RPS6KA2: variants seen among roughly 807,000 people sequenced by gnomAD.
RPS6KA2 encodes ribosomal protein S6 kinase alpha-2.
A neutral mutation model predicts 91.8 loss-of-function variants in RPS6KA2; 42 were observed. The observed-to-expected ratio is 0.46, with a 90% CI of 0.36 to 0.59. The LOEUF (loss-of-function observed/expected upper bound fraction) is 0.59, where lower values mean the gene tolerates loss of function less well. Ranked by LOEUF, RPS6KA2 falls within the 20% of genes least tolerant of loss-of-function variation. The pLI, the probability that RPS6KA2 is intolerant of heterozygous loss-of-function variation, is 0.00. For synonymous variants in RPS6KA2, 414 were observed against 393.6 expected (o/e 1.05, Z -0.61); for missense variants, 798 against 978.5 (o/e 0.82, Z 2.46).
intron 2 of RPS6KA2, among the ~76,000 whole-genome samples, chr6:166,791,006 C>G (rs1251272388): frequency 6.6e-6 from 1 of 152,140 alleles, no homozygotes; most frequent in African/African-American, 2.4e-5. Context: ...CAAATTCACA[C>G]ATAACAATAT....
At position 166,762,391 on chromosome 6, in the gene RPS6KA2, T is replaced by C. The variant is rs1187214543; in HGVS notation, c.123+95809A>G. Among the ~76,000 whole-genome samples the C allele has an allele frequency of 2.0e-5, 3 of 152,148 alleles. No homozygotes were observed. The East Asian group carries it at 5.8e-4, about 29-fold the overall frequency. On this transcript the variant is annotated intron_variant, in intron 2 of 21. Transcript: ENST00000503859. ...GTGTGTGTTTGTATGTCTATGCGCA[T>C]ATGTGTGTGTGTGTGCATGTTAAAC...
At chr6:166,623,426 C>T (rs972451371) in intron 1 of RPS6KA2, among the ~76,000 whole-genome samples, 11 of 152,158 alleles carry the variant, frequency 7.2e-5, no homozygotes, top group Non-Finnish European at 1.5e-4. Flanking sequence ...TAAGTTAGGA[C>T]GGTGAGGGTG....
intron 1 of RPS6KA2, among the ~76,000 whole-genome samples, chr6:166,550,976 C>T (rs1262219712): frequency 1.9e-5 from 2 of 105,512 alleles, no homozygotes; most frequent in Non-Finnish European, 3.8e-5. Flanking sequence ...AGCCTGGCAA[C>T]AGAGCCGGAC....
rs1725546622 is a variant in RPS6KA2 at position 166,732,132 on chromosome 6, C to T, written c.123+126068G>A. 6.7e-6 allele frequency among the ~76,000 whole-genome samples: 1 copy of T among 148,736 alleles called. No individual in the cohort carries two copies. Among genetic ancestry groups the T allele is most frequent in the Admixed American group, 6.8e-5 (1 of 14,634 alleles). On this transcript the variant is annotated intron_variant, in intron 2 of 21. Coordinates refer to the RPS6KA2 transcript ENST00000503859. This position sits in a 1 kb window ranked among gnomAD's most constrained non-coding sequence, Gnocchi z 4.0. ...CTTTTTCTTTTCCTTTTTGTTTTACCAATAAATAAATAAATAACCAAGAAA... is the reference window on the plus strand; with the variant it reads ...CTTTTTCTTTTCCTTTTTGTTTTACTAATAAATAAATAAATAACCAAGAAA...
chr6:166,844,230 A>C (rs1274178456), intron 2 of RPS6KA2, among the ~76,000 whole-genome samples: 5 of 152,202 alleles, frequency 3.3e-5, no homozygotes, highest in African/African-American at 1.2e-4. Flanking sequence ...CAAAGAAAAA[A>C]GAATTTTAAA....
In RPS6KA2 at chr6:166,413,118, A is replaced by C. The variant is rs567491905; in HGVS notation, c.2077-231T>G. Among the ~76,000 whole-genome samples the C allele has an allele frequency of 6.6e-5, 10 of 151,772 alleles. No homozygotes were observed. In the East Asian group the frequency reaches 1.8e-3, roughly 27 times the overall value. Reference sequence around the variant, plus strand: ...GCACCTGCCCCCCCCACCCCATGCCACCCTGGCACTGTGCTTGTGCCTTGG... The same window carrying C: ...GCACCTGCCCCCCCCACCCCATGCCCCCCTGGCACTGTGCTTGTGCCTTGG... On this transcript the variant is annotated intron_variant, in intron 20 of 20. Transcript: ENST00000265678.
chr6:166,470,261 CA>C (rs921797399), intron 10 of RPS6KA2, among the ~76,000 whole-genome samples: 99 of 152,318 alleles, frequency 6.5e-4, no homozygotes, highest in African/African-American at 2.4e-3. Context: ...GTGTGAGCAC[CA>C]GGTGGACCTC....
At chr6:166,744,244 G>A (rs1005129726) in intron 2 of RPS6KA2, among the ~76,000 whole-genome samples, 1 of 152,262 alleles carries the variant, frequency 6.6e-6, no homozygotes, top group African/African-American at 2.4e-5. Context: ...CCCTGTGGAT[G>A]CAGTGGCCTC....
At chr6:166,714,757 C>G (rs1041647023) in intron 2 of RPS6KA2, among the ~76,000 whole-genome samples, 7 of 152,262 alleles carry the variant, frequency 4.6e-5, no homozygotes, top group African/African-American at 1.4e-4. Flanking sequence ...CCAACTCGGA[C>G]TTCCAGCCTC....
chr6:166,580,269 A>G (rs1236919155), intron 1 of RPS6KA2, among the ~76,000 whole-genome samples: 1 of 152,246 alleles, frequency 6.6e-6, no homozygotes, highest in Non-Finnish European at 1.5e-5. Flanking sequence ...CGGCAAAGGT[A>G]GAACAGGTGT....
chr6:166,582,596 C>G (rs1248231373), intron 1 of RPS6KA2, among the ~76,000 whole-genome samples: 1 of 152,124 alleles, frequency 6.6e-6, no homozygotes, highest in African/African-American at 2.4e-5. Flanking sequence ...TTATCAAATT[C>G]ATAACATAGA....
chr6:166,463,995 AG>A (rs1265014067), intron 11 of RPS6KA2, among the ~76,000 whole-genome samples: 1 of 152,176 alleles, frequency 6.6e-6, no homozygotes, highest in Non-Finnish European at 1.5e-5. Flanking sequence ...GGTTCCCTGA[AG>A]GGGGAGTGCT....
intron 2 of RPS6KA2, among the ~76,000 whole-genome samples, chr6:166,695,333 C>A (rs1021294941): frequency 6.6e-6 from 1 of 152,172 alleles, no homozygotes; most frequent in Non-Finnish European, 1.5e-5. Context: ...GAACAACCCC[C>A]AGGAGCAAAC....
chr6:166,728,095 A>G (rs1790395878), intron 2 of RPS6KA2, among the ~76,000 whole-genome samples: 1 of 152,258 alleles, frequency 6.6e-6, no homozygotes, highest in Admixed American at 6.5e-5. Context: ...TACAGAATAC[A>G]GAAGGATGTG....
At chr6:166,751,074 C>T (rs1415692434) in intron 2 of RPS6KA2, among the ~76,000 whole-genome samples, 3 of 152,208 alleles carry the variant, frequency 2.0e-5, no homozygotes, top group African/African-American at 4.8e-5. Context: ...ATAACCCTCA[C>T]GCAGTGCCCC....
intron 7 of RPS6KA2, among the ~76,000 whole-genome samples, chr6:166,499,641 C>A (rs1199458298): frequency 6.6e-6 from 1 of 152,238 alleles, no homozygotes; most frequent in Non-Finnish European, 1.5e-5. Flanking sequence ...TTTTTCTCCT[C>A]CTTCTCCTTC....
intron 2 of RPS6KA2, among the ~76,000 whole-genome samples, chr6:166,634,035 A>G (rs1430508320): frequency 1.1e-4 from 16 of 152,198 alleles, no homozygotes; most frequent in Non-Finnish European, 2.9e-5. Context: ...CTGTGTGGGC[A>G]GAGTGTGGGC....
chr6:166,691,517 C>T (rs564396818), intron 2 of RPS6KA2, among the ~76,000 whole-genome samples: 57 of 152,248 alleles, frequency 3.7e-4, no homozygotes, highest in African/African-American at 8.7e-4. Context: ...TCTCACCTCC[C>T]GGTTTTCAGG....
chr6:166,428,671 A>G (rs1779012212), intron 16 of RPS6KA2, among the ~76,000 whole-genome samples: 1 of 151,360 alleles, frequency 6.6e-6, no homozygotes, highest in South Asian at 2.1e-4. Flanking sequence ...TCTCAAAAGA[A>G]GACATTTATG....
Sources: allele counts gnomAD v4.1 joint callset (sites outside exome capture counted in the v4.1 genomes callset), GRCh38; gene constraint gnomAD v4.1.1; non-coding constraint Gnocchi (gnomAD v3.1); transcripts MANE v1.5; gene names NCBI Gene and HGNC (gene_info 2026-07-23, HGNC 2026-07-21).